The following LIN9 variants were observed in gnomAD, a reference collection of about 807,000 sequenced individuals.
LIN9 encodes the protein protein lin-9 homolog.
LIN9 carries 18 observed loss-of-function variants against 78.0 expected under a neutral mutation model. The ratio of observed to expected loss-of-function variants is 0.23; its 90% CI spans 0.16 to 0.34. LIN9 has a LOEUF of 0.34. Ranked by LOEUF, LIN9 falls within the 10% of genes least tolerant of loss-of-function variation. LIN9 has a pLI of 1.00. For missense variants in LIN9, 451 were observed against 644.1 expected (o/e 0.70, Z 3.25); for synonymous variants, 192 against 215.2 (o/e 0.89, Z 0.94).
intron 4 of LIN9, among the ~76,000 whole-genome samples, chr1:226,291,471 C>T (rs914498732): frequency 1.3e-5 from 2 of 151,926 alleles, no homozygotes; most frequent in African/African-American, 4.8e-5. Context: ...AATATATATA[C>T]ATTTAACAAT....
intron 10 of LIN9, among the ~76,000 whole-genome samples, chr1:226,253,559 T>C (rs1039025648): frequency 1.3e-4 from 19 of 150,570 alleles, no homozygotes; most frequent in Non-Finnish European, 1.8e-4. Context: ...CCTCCCAAAG[T>C]GCTGGGATTA....
chr1:226,266,263 TA>T lies in LIN9; in HGVS notation c.885del (p.Phe295LeufsTer2). The part of the protein sequence containing the change: ...FGQKQRPSRF[F>X]MTPPRLHYTP... ...GTATAATGTAACCGTGGTGGGGTCA[TA>T]AAAAATCGAGAAGGCCGCTGTTTTT... On this transcript the variant is annotated frameshift_variant, in exon 9 of 15. Transcript: ENST00000681046. LOFTEE classifies it high-confidence loss of function. 1.2e-6 allele frequency: 2 copies of T among 1,601,932 alleles called. No homozygotes were observed. Among genetic ancestry groups the T allele is most frequent in the South Asian group, 1.1e-5 (1 of 89,648 alleles).
chr1:226,274,020 T>A (rs1660475989), intron 7 of LIN9, among the ~76,000 whole-genome samples: 1 of 152,000 alleles, frequency 6.6e-6, no homozygotes, highest in Non-Finnish European at 1.5e-5. Flanking sequence ...GTATTTTTAG[T>A]AGAGACAGGG....
At chr1:226,261,614 G>A (rs1659595521) in intron 10 of LIN9, among the ~76,000 whole-genome samples, 1 of 152,086 alleles carries the variant, frequency 6.6e-6, no homozygotes, top group Non-Finnish European at 1.5e-5. Context: ...TCTGATGAAA[G>A]AAATCAAAGA....
chr1:226,269,433 A>C (rs766288008), intron 7 of LIN9, among the ~76,000 whole-genome samples: 5 of 152,190 alleles, frequency 3.3e-5, no homozygotes, highest in Admixed American at 6.5e-5. Context: ...TGTGAAAAAC[A>C]ACCATTCCAG....
intron 1 of LIN9, among the ~76,000 whole-genome samples, chr1:226,304,767 G>A (rs1342375578): frequency 6.6e-6 from 1 of 152,164 alleles, no homozygotes; most frequent in Non-Finnish European, 1.5e-5. Context: ...TAAGCCAGGT[G>A]TTATGCATGG....
At chr1:226,291,183 A>G (rs1412714875) in intron 4 of LIN9, among the ~76,000 whole-genome samples, 1 of 152,228 alleles carries the variant, frequency 6.6e-6, no homozygotes, top group African/African-American at 2.4e-5. Flanking sequence ...TTATACAAAC[A>G]TGCTCAGGAT....
chr1:226,285,949 T>G lies in LIN9; in HGVS notation c.524+384A>C, dbSNP rs191723076. On this transcript the variant is annotated intron_variant, in intron 6 of 14. Coordinates refer to ENST00000681046, the MANE Select transcript of LIN9 (RefSeq NM_001366245.2). ...TCCTAACAAAAATGAAATTGTGCAT[T>G]TAATTATAAGATGCATACGTATAAA... is the stretch of plus-strand genomic sequence containing the variant. 1.4e-3 allele frequency among the ~76,000 whole-genome samples: 219 copies of G among 152,270 alleles called. 1 individual carries two copies. The highest frequency in any genetic ancestry group is 0.012 in the Admixed American group (183 of 15,282).
chr1:226,238,566 G>A (rs1171222808), intron 12 of LIN9, among the ~76,000 whole-genome samples: 3 of 151,712 alleles, frequency 2.0e-5, no homozygotes, highest in African/African-American at 4.8e-5. Context: ...GCTGTAGTTC[G>A]CCAAGATTGC....
At chr1:226,298,307 A>G (rs920069395) in intron 2 of LIN9, among the ~76,000 whole-genome samples, 4 of 152,098 alleles carry the variant, frequency 2.6e-5, no homozygotes, top group Admixed American at 6.6e-5. Context: ...CTCCCAGGTT[A>G]AAGTGGTTCT....
At chr1:226,257,789 GTAA>G (rs1436018614) in intron 10 of LIN9, among the ~76,000 whole-genome samples, 2 of 152,102 alleles carry the variant, frequency 1.3e-5, no homozygotes, top group Admixed American at 6.6e-5. Flanking sequence ...ATAGAACATA[GTAA>G]TAAACACGGT....
At chr1:226,235,320 CTCA>C in intron 12 of LIN9, among the ~76,000 whole-genome samples, 1 of 33,448 alleles carries the variant, frequency 3.0e-5, no homozygotes, top group African/African-American at 1.2e-4. Context: ...GAAAATCCGT[CTCA>C]AAAAAAAAAA....
chr1:226,304,316 G>T (rs1662761498), intron 1 of LIN9, among the ~76,000 whole-genome samples: 1 of 152,158 alleles, frequency 6.6e-6, no homozygotes, highest in South Asian at 2.1e-4. Context: ...TGTGTGAGAT[G>T]TGTCTCTCTC....
intron 4 of LIN9, among the ~76,000 whole-genome samples, chr1:226,289,789 G>T (rs1661608429): frequency 7.4e-6 from 1 of 135,756 alleles, no homozygotes; most frequent in South Asian, 2.4e-4. Context: ...TGTTTAAAAA[G>T]ATGGATTACC....
chr1:226,293,575 A>C (rs1345804475), intron 4 of LIN9, among the ~76,000 whole-genome samples: 1 of 152,188 alleles, frequency 6.6e-6, no homozygotes, highest in South Asian at 2.1e-4. Context: ...TATTATTTTT[A>C]AATTTATTTT....
At chr1:226,247,736 A>G (rs1050658841) in intron 11 of LIN9, among the ~76,000 whole-genome samples, 14 of 151,542 alleles carry the variant, frequency 9.2e-5, no homozygotes, top group Non-Finnish European at 1.5e-5. Flanking sequence ...CAGTGGCACA[A>G]TCTTGGCTCA....
chr1:226,278,594 C>T (rs1379301107), intron 6 of LIN9, among the ~76,000 whole-genome samples: 1 of 151,488 alleles, frequency 6.6e-6, no homozygotes, highest in African/African-American at 2.4e-5. Context: ...GAGGCCACGG[C>T]GGGTGGATGA....
At chr1:226,283,117 G>A (rs1406070156) in intron 6 of LIN9, among the ~76,000 whole-genome samples, 1 of 151,722 alleles carries the variant, frequency 6.6e-6, no homozygotes, top group Non-Finnish European at 1.5e-5. Flanking sequence ...CACCCAACTG[G>A]CTAAGTTTAT....
intron 10 of LIN9, among the ~76,000 whole-genome samples, chr1:226,253,068 G>A (rs1172608352): frequency 4.6e-5 from 7 of 151,780 alleles, no homozygotes; most frequent in African/African-American, 1.5e-4. Flanking sequence ...TTTGAGACCA[G>A]CCTGGGCAAC....
Sources: allele counts gnomAD v4.1 joint callset (sites outside exome capture counted in the v4.1 genomes callset), GRCh38; gene constraint gnomAD v4.1.1; transcripts MANE v1.5; gene names NCBI Gene and HGNC (gene_info 2026-07-23, HGNC 2026-07-21).